Variants in WDR70 observed in about 807,000 individuals in gnomAD.
WDR70 encodes the protein WD repeat-containing protein 70.
Under a neutral mutation model 88.6 loss-of-function variants are expected in WDR70, and 53 were observed. That is an observed-to-expected ratio of 0.60 (90% CI 0.48 to 0.75). The LOEUF (loss-of-function observed/expected upper bound fraction) is 0.75, where lower values mean the gene tolerates loss of function less well. Ranked by LOEUF, WDR70 falls within the 30% of genes least tolerant of loss-of-function variation. WDR70 has a pLI of 0.00. For missense variants in WDR70, 610 were observed against 823.2 expected (o/e 0.74, Z 3.17); for synonymous variants, 280 against 270.0 (o/e 1.04, Z -0.36).
intron 9 of WDR70, among the ~76,000 whole-genome samples, chr5:37,549,747 T>C (rs767248062): frequency 6.6e-6 from 1 of 152,228 alleles, no homozygotes; most frequent in African/African-American, 2.4e-5. Context: ...AGCTTTCTCC[T>C]ATTCAGTATG....
intron 13 of WDR70, among the ~76,000 whole-genome samples, chr5:37,714,029 G>A (rs1313247395): frequency 1.3e-5 from 2 of 152,184 alleles, no homozygotes; most frequent in African/African-American, 4.8e-5. Flanking sequence ...TAGTGGTCTT[G>A]TAGGAGGATG....
intron 9 of WDR70, among the ~76,000 whole-genome samples, chr5:37,540,072 A>G (rs1741771935): frequency 6.6e-6 from 1 of 152,230 alleles, no homozygotes; most frequent in Non-Finnish European, 1.5e-5. Context: ...AGAATTTAGA[A>G]TGATTCTTAT....
At chr5:37,600,815 A>G (rs1459484879) in intron 9 of WDR70, among the ~76,000 whole-genome samples, 1 of 46,852 alleles carries the variant, frequency 2.1e-5, no homozygotes, top group Non-Finnish European at 8.2e-5. Context: ...GTAAAAGGGT[A>G]CAGCCACTCT....
intron 5 of WDR70, among the ~76,000 whole-genome samples, chr5:37,415,061 T>TGGAC (rs1749657592): frequency 6.6e-6 from 1 of 150,620 alleles, no homozygotes; most frequent in Admixed American, 6.6e-5. Flanking sequence ...TAACCCTGAG[T>TGGAC]GGACACAGCA....
chr5:37,453,263 G>T (rs1319328146), intron 7 of WDR70, among the ~76,000 whole-genome samples: 3 of 152,164 alleles, frequency 2.0e-5, no homozygotes, highest in African/African-American at 7.2e-5. Context: ...GAAATCAGGG[G>T]TCTCACAGCC....
In WDR70 at chr5:37,624,558, A is replaced by C. The variant is rs866815460; in HGVS notation, c.1092+19320A>C. On this transcript the variant is annotated intron_variant, in intron 10 of 17. Coordinates refer to ENST00000265107, the MANE Select transcript of WDR70 (RefSeq NM_018034.4). ...TTCTTTCCTTTGGATACCGTAGGGGATAAGGGAGAGCTTTCCCTTGGTCCC... is the reference window on the plus strand; with the variant it reads ...TTCTTTCCTTTGGATACCGTAGGGGCTAAGGGAGAGCTTTCCCTTGGTCCC... 7.9e-5 allele frequency among the ~76,000 whole-genome samples: 12 copies of C among 152,274 alleles called. No individual in the cohort carries two copies. The South Asian group carries it at 1.2e-3, about 16-fold the overall frequency.
At chr5:37,476,584 T>G (rs562827558) in intron 7 of WDR70, among the ~76,000 whole-genome samples, 2 of 151,676 alleles carry the variant, frequency 1.3e-5, no homozygotes, top group South Asian at 4.2e-4. Flanking sequence ...GGAGTCTCGC[T>G]CTGTCACCTA....
At chr5:37,514,473 C>G (rs1389219503) in intron 8 of WDR70, among the ~76,000 whole-genome samples, 1 of 149,982 alleles carries the variant, frequency 6.7e-6, no homozygotes, top group African/African-American at 2.5e-5. Context: ...TGATTTGCTG[C>G]ACAGATCAAC....
intron 5 of WDR70, among the ~76,000 whole-genome samples, chr5:37,419,462 C>T (rs1432467002): frequency 6.6e-6 from 1 of 151,640 alleles, no homozygotes; most frequent in Non-Finnish European, 1.5e-5. Flanking sequence ...CCTCAGCCTC[C>T]CAAAGTGCTG....
At chr5:37,725,928 C>A (rs1747957766) in intron 16 of WDR70, among the ~76,000 whole-genome samples, 1 of 152,124 alleles carries the variant, frequency 6.6e-6, no homozygotes, top group African/African-American at 2.4e-5. Flanking sequence ...CAGTCCAAAT[C>A]AAATCTACCC....
At chr5:37,393,925 G>A (rs764432084) in intron 4 of WDR70, among the ~76,000 whole-genome samples, 1 of 151,990 alleles carries the variant, frequency 6.6e-6, no homozygotes, top group African/African-American at 2.4e-5. Context: ...CAAGCAATCC[G>A]CTCACCTCTA....
chr5:37,580,960 G>A (rs1175241691), intron 9 of WDR70, among the ~76,000 whole-genome samples: 1 of 152,200 alleles, frequency 6.6e-6, no homozygotes, highest in Non-Finnish European at 1.5e-5. Flanking sequence ...AGGTTAGGGT[G>A]AAGGAATAAA....
intron 8 of WDR70, among the ~76,000 whole-genome samples, chr5:37,490,322 T>A (rs1450181367): frequency 2.7e-5 from 4 of 149,960 alleles, no homozygotes; most frequent in African/African-American, 7.4e-5. Context: ...GCAGGGAGAG[T>A]CTATCCTCAG....
chr5:37,699,664 C>G (rs747153607), intron 11 of WDR70, among the ~76,000 whole-genome samples: 18 of 151,860 alleles, frequency 1.2e-4, no homozygotes, highest in Non-Finnish European at 2.1e-4. Flanking sequence ...AGACTAAAAG[C>G]AGGCCAGGTG....
intron 9 of WDR70, among the ~76,000 whole-genome samples, chr5:37,521,703 TACACACAC>T (rs59206188): frequency 2.2e-3 from 315 of 145,182 alleles, no homozygotes; most frequent in Non-Finnish European, 3.0e-3. Flanking sequence ...AGTCCAAGTA[TACACACAC>T]ACACACACAC....
intron 10 of WDR70, among the ~76,000 whole-genome samples, chr5:37,655,257 G>C (rs1441382172): frequency 6.6e-6 from 1 of 152,176 alleles, no homozygotes; most frequent in Non-Finnish European, 1.5e-5. Flanking sequence ...TAAGAATGTT[G>C]AATATTGGCC....
chr5:37,393,575 T>C (rs1748914857), intron 4 of WDR70, among the ~76,000 whole-genome samples: 2 of 152,188 alleles, frequency 1.3e-5, no homozygotes. Context: ...TTTCTTTTGT[T>C]TCAAGAAATT....
chr5:37,441,989 T>G (rs1183894199), intron 6 of WDR70, among the ~76,000 whole-genome samples: 2 of 151,782 alleles, frequency 1.3e-5, no homozygotes, highest in Non-Finnish European at 2.9e-5. Context: ...ACACATTGGA[T>G]ATTGACGTGT....
At chr5:37,652,314 C>T (rs1309167639) in intron 10 of WDR70, among the ~76,000 whole-genome samples, 1 of 152,174 alleles carries the variant, frequency 6.6e-6, no homozygotes, top group Non-Finnish European at 1.5e-5. Flanking sequence ...GTTTTGGTAC[C>T]AGCACCATGC....
Sources: allele counts gnomAD v4.1 joint callset (sites outside exome capture counted in the v4.1 genomes callset), GRCh38; gene constraint gnomAD v4.1.1; transcripts MANE v1.5; gene names NCBI Gene and HGNC (gene_info 2026-07-23, HGNC 2026-07-21).